PPP2R3A: variants seen among roughly 807,000 people sequenced by gnomAD.
PPP2R3A encodes the protein protein phosphatase 2 regulatory subunit B''alpha, also known as serine/threonine-protein phosphatase 2A regulatory subunit B'' subunit alpha.
PPP2R3A carries 80 observed loss-of-function variants against 106.9 expected under a neutral mutation model. The observed-to-expected ratio is 0.75, with a 90% CI of 0.62 to 0.90. PPP2R3A has a LOEUF of 0.90. PPP2R3A is among the 40% of genes least tolerant of loss of function. PPP2R3A has a pLI of 0.00. For synonymous variants in PPP2R3A, 483 were observed against 468.3 expected (o/e 1.03, Z -0.41); for missense variants, 1,386 against 1,350.4 (o/e 1.03, Z -0.41).
intron 5 of PPP2R3A, among the ~76,000 whole-genome samples, chr3:136,066,693 C>T (rs933599262): frequency 1.3e-4 from 20 of 151,572 alleles, no homozygotes; most frequent in Non-Finnish European, 2.6e-4. Context: ...GGAGTTGCTG[C>T]ACACTTTTAA....
chr3:136,055,988 C>T (rs1421550875), intron 5 of PPP2R3A, among the ~76,000 whole-genome samples: 5 of 152,126 alleles, frequency 3.3e-5, no homozygotes, highest in Admixed American at 2.0e-4. Context: ...ATGATCAAGG[C>T]CAACATCAGC....
chr3:136,029,626 G>A (rs1310253673), intron 3 of PPP2R3A, among the ~76,000 whole-genome samples: 3 of 152,204 alleles, frequency 2.0e-5, no homozygotes, highest in Non-Finnish European at 4.4e-5. Flanking sequence ...TGTTGAAACT[G>A]ACAGATAACA....
chr3:135,998,221 T>C (rs1933481465), intron 1 of PPP2R3A, among the ~76,000 whole-genome samples: 1 of 152,222 alleles, frequency 6.6e-6, no homozygotes, highest in South Asian at 2.1e-4. Flanking sequence ...TGGAGTATTC[T>C]TCCCTTCCTT....
Position 136,140,442 on chromosome 3 carries a change from T to TAA in PPP2R3A, c.3330-4580_3330-4579dup, listed in dbSNP as rs199699500. Among the ~76,000 whole-genome samples the TAA allele has an allele frequency of 1.6e-3, 139 of 87,198 alleles. 1 individual carries two copies. The highest frequency in any genetic ancestry group is 7.3e-3 in the South Asian group (21 of 2,874). 57.2% of individuals were successfully genotyped at this position (87,198 alleles called of 152,430 possible). A position where few individuals can be genotyped will look rare whatever the true frequency, so the allele number is the denominator to read the frequency against. On this transcript the variant is annotated intron_variant, in intron 13 of 13. Coordinates refer to ENST00000264977, the MANE Select transcript of PPP2R3A (RefSeq NM_002718.5). ...GCCTGGGTGACAGAGTGAGACTCTT[T>TAA]AAAAAAAAAAAAAAAAAAAAAACCC...
At chr3:136,124,382 C>G (rs964215988) in intron 13 of PPP2R3A, among the ~76,000 whole-genome samples, 2 of 152,034 alleles carry the variant, frequency 1.3e-5, no homozygotes, top group Non-Finnish European at 2.9e-5. Context: ...GCCTGAGAGG[C>G]TGAAGCAAGA....
chr3:136,105,045 T>A (rs1937480627), intron 12 of PPP2R3A, among the ~76,000 whole-genome samples: 1 of 152,192 alleles, frequency 6.6e-6, no homozygotes, highest in African/African-American at 2.4e-5. Flanking sequence ...GTTGAAGAGA[T>A]ACTGGATATA....
At position 136,078,362 on chromosome 3, in the gene PPP2R3A, A is replaced by G; in HGVS notation, c.2545-5A>G. ...TATTTGGTTTTATTTTCCTTTTGGAACCAGGTTATTCAGAGAATATTCTAC... is the reference window on the plus strand; with the variant it reads ...TATTTGGTTTTATTTTCCTTTTGGAGCCAGGTTATTCAGAGAATATTCTAC... On this transcript the variant is annotated splice_polypyrimidine_tract_variant and splice_region_variant and intron_variant, in intron 6 of 13. Transcript: ENST00000264977. 1 of 1,578,464 alleles carries G rather than the reference A, an allele frequency of 6.3e-7. No individual in the cohort carries two copies. The highest frequency in any genetic ancestry group is 8.7e-7 in the Non-Finnish European group (1 of 1,153,074).
chr3:136,088,188 C>G (rs1937006135), intron 9 of PPP2R3A, among the ~76,000 whole-genome samples: 1 of 152,128 alleles, frequency 6.6e-6, no homozygotes. Context: ...TATGGAGGAT[C>G]CTGTCACACA....
At chr3:136,022,338 T>G (rs2107815738) in intron 2 of PPP2R3A, among the ~76,000 whole-genome samples, 1 of 152,302 alleles carries the variant, frequency 6.6e-6, no homozygotes, top group Non-Finnish European at 1.5e-5. Context: ...ATAACTATGA[T>G]AGTCTTTTGC....
intron 4 of PPP2R3A, among the ~76,000 whole-genome samples, chr3:136,043,280 A>G (rs1935354893): frequency 6.6e-6 from 1 of 152,142 alleles, no homozygotes; most frequent in Non-Finnish European, 1.5e-5. Context: ...TAACACAGTG[A>G]AACCCCATCT....
chr3:136,119,751 CTGTT>C (rs994948871), intron 13 of PPP2R3A, among the ~76,000 whole-genome samples: 1 of 152,174 alleles, frequency 6.6e-6, no homozygotes, highest in Non-Finnish European at 1.5e-5. Context: ...TGCTTTTACA[CTGTT>C]TGTGGGAGTA....
intron 10 of PPP2R3A, among the ~76,000 whole-genome samples, chr3:136,099,921 A>G (rs1016306742): frequency 4.0e-5 from 6 of 148,842 alleles, no homozygotes; most frequent in African/African-American, 1.5e-4. Flanking sequence ...AGTTCTTAAA[A>G]AAAAAAAAAA....
intron 13 of PPP2R3A, among the ~76,000 whole-genome samples, chr3:136,143,702 A>G (rs746144087): frequency 6.6e-6 from 1 of 151,998 alleles, no homozygotes; most frequent in Non-Finnish European, 1.5e-5. Flanking sequence ...GAGGCAGGAG[A>G]ATCACTTGAA....
At chr3:136,085,711 C>G (rs1936909796) in intron 8 of PPP2R3A, among the ~76,000 whole-genome samples, 1 of 152,154 alleles carries the variant, frequency 6.6e-6, no homozygotes, top group South Asian at 2.1e-4. Context: ...TTAGATATAG[C>G]AGAGTATGAA....
intron 5 of PPP2R3A, among the ~76,000 whole-genome samples, chr3:136,061,386 G>A (rs1220529713): frequency 6.6e-6 from 1 of 152,158 alleles, no homozygotes; most frequent in Non-Finnish European, 1.5e-5. Context: ...CCAACACTTT[G>A]GGAAGCCAAG....
At chr3:135,976,891 A>T (rs2107753356) in intron 1 of PPP2R3A, among the ~76,000 whole-genome samples, 1 of 152,236 alleles carries the variant, frequency 6.6e-6, no homozygotes, top group Non-Finnish European at 1.5e-5. Flanking sequence ...TTGGCCATTC[A>T]TTTAGAATAA....
intron 11 of PPP2R3A, among the ~76,000 whole-genome samples, chr3:136,102,682 G>C (rs978073922): frequency 6.6e-6 from 1 of 152,096 alleles, no homozygotes; most frequent in Non-Finnish European, 1.5e-5. Context: ...TGCTATTTAA[G>C]AAATAGGATT....
At chr3:135,990,388 C>T (rs965138388) in intron 1 of PPP2R3A, among the ~76,000 whole-genome samples, 5 of 152,110 alleles carry the variant, frequency 3.3e-5, no homozygotes, top group Non-Finnish European at 7.4e-5. Context: ...AATGTGATCT[C>T]CATCAGGACC....
intron 13 of PPP2R3A, 83 bp from the exon 14 acceptor site, chr3:136,144,960 T>C: frequency 6.7e-7 from 1 of 1,487,790 alleles, no homozygotes; most frequent in East Asian, 2.4e-5. Context: ...TGGGCTGGTC[T>C]TGAGGCTCGG....
Sources: allele counts gnomAD v4.1 joint callset (sites outside exome capture counted in the v4.1 genomes callset), GRCh38; gene constraint gnomAD v4.1.1; transcripts MANE v1.5; gene names NCBI Gene and HGNC (gene_info 2026-07-23, HGNC 2026-07-21).